Variants in ZBTB20 observed in about 807,000 individuals in gnomAD.
The protein encoded by ZBTB20 is zinc finger and BTB domain containing 20.
In ZBTB20, 9 loss-of-function variants were observed where a neutral mutation model predicts 56.9. The observed-to-expected ratio is 0.16, with a 90% CI of 0.10 to 0.28. The LOEUF (loss-of-function observed/expected upper bound fraction) is 0.28. Among genes scored for constraint, ZBTB20 ranks in the 10% least tolerant of loss-of-function variants. The probability of loss-of-function intolerance (pLI) is 1.00; values close to 1 mark genes in which losing one functional copy is unlikely to be tolerated. For synonymous variants in ZBTB20, 417 were observed against 420.7 expected (o/e 0.99, Z 0.11); for missense variants, 655 against 1,003.0 (o/e 0.65, Z 4.69).
chr3:114,372,566 T>C (rs567516946), intron 10 of ZBTB20, among the ~76,000 whole-genome samples: 2 of 152,268 alleles, frequency 1.3e-5, no homozygotes, highest in Non-Finnish European at 2.9e-5. Context: ...TGGTGGCTCA[T>C]GCCTGTAATC....
intron 2 of ZBTB20, among the ~76,000 whole-genome samples, chr3:114,990,687 C>T (rs1252410390): frequency 6.6e-6 from 1 of 152,116 alleles, no homozygotes; most frequent in African/African-American, 2.4e-5. Flanking sequence ...ATGGTACCAG[C>T]TCCTCCTTGT....
chr3:115,108,114 T>C (rs2108620021), intron 1 of ZBTB20, among the ~76,000 whole-genome samples: 1 of 151,810 alleles, frequency 6.6e-6, no homozygotes. Context: ...GTAACAAATG[T>C]AGAGGTTCTG....
chr3:114,988,347 C>T lies in ZBTB20; in HGVS notation c.-506-13931G>A, dbSNP rs368641584. On this transcript the variant is annotated intron_variant, in intron 2 of 11. Coordinates refer to ENST00000675478, the MANE Select transcript of ZBTB20 (RefSeq NM_001348800.3). The stretch of plus-strand genomic sequence containing the variant: ...TTCCCCACCTAAGAGTGAGAACATG[C>T]GGTGTTTGGTTTTTTGTCCTTGTGA... Among the ~76,000 whole-genome samples, 10 of 149,266 alleles carry T rather than the reference C, an allele frequency of 6.7e-5. No homozygotes were observed. The South Asian group carries it at 1.1e-3, about 16-fold the overall frequency.
intron 1 of ZBTB20, among the ~76,000 whole-genome samples, chr3:115,073,294 A>C (rs74677251): frequency 0.02 from 3,023 of 152,328 alleles, 39 homozygotes; most frequent in South Asian, 0.032. Context: ...TTTGTTCTAA[A>C]TAATCTACTT....
At position 114,493,326 on chromosome 3, in the gene ZBTB20, T is replaced by C. The variant is rs181387111; in HGVS notation, c.-255+7026A>G. On this transcript the variant is annotated intron_variant, in intron 7 of 11. Transcript: ENST00000675478. ...TTTGGGCTATTACAAATAAAGCTGCTATGTACATTGGTGTAACATAATGTA... is the reference window on the plus strand; with the variant it reads ...TTTGGGCTATTACAAATAAAGCTGCCATGTACATTGGTGTAACATAATGTA... Among the ~76,000 whole-genome samples, 192 of 152,346 alleles carry C rather than the reference T, an allele frequency of 1.3e-3. 1 individual carries two copies. The highest frequency in any genetic ancestry group is 4.2e-3 in the Admixed American group (64 of 15,298).
intron 2 of ZBTB20, among the ~76,000 whole-genome samples, chr3:115,043,393 T>C (rs1234914391): frequency 6.7e-6 from 1 of 148,448 alleles, no homozygotes; most frequent in African/African-American, 2.5e-5. Context: ...ACCCCATCTC[T>C]ACTAAAAACT....
intron 6 of ZBTB20, among the ~76,000 whole-genome samples, chr3:114,503,324 T>A (rs898440529): frequency 6.6e-6 from 1 of 152,196 alleles, no homozygotes; most frequent in Admixed American, 6.5e-5. Context: ...AATGATAATA[T>A]GATCCCAAAC....
intron 6 of ZBTB20, among the ~76,000 whole-genome samples, chr3:114,544,409 CTTTCTTTCTTTCTTTCTTTCTTTCTT>C (rs1467524933): frequency 5.7e-3 from 29 of 5,124 alleles, no homozygotes; most frequent in African/African-American, 9.1e-3. Context: ...TAGATTTCTT[CTTTCTTTCTTTCTTTCTTTCTTTCTT>C]TCTTTCTTTC....
intron 6 of ZBTB20, chr3:114,527,164 A>C (rs1267805432): frequency 2.0e-5 from 3 of 152,206 alleles, no homozygotes; most frequent in Non-Finnish European, 2.9e-5. Flanking sequence ...CTTTAAAAAA[A>C]ATAAAAATTT....
chr3:114,543,412 C>A (rs1577413943), intron 6 of ZBTB20, among the ~76,000 whole-genome samples: 3 of 151,292 alleles, frequency 2.0e-5, no homozygotes, highest in African/African-American at 7.3e-5. Flanking sequence ...GATGAGATTT[C>A]TCTGAATAGA....
intron 3 of ZBTB20, among the ~76,000 whole-genome samples, chr3:114,941,993 A>C (rs1436081745): frequency 6.8e-6 from 1 of 146,336 alleles, no homozygotes; most frequent in Admixed American, 6.6e-5. Flanking sequence ...GTACAAAAGT[A>C]CTGTCTATGC....
chr3:114,914,805 T>G (rs527657821), intron 3 of ZBTB20, among the ~76,000 whole-genome samples: 1 of 151,916 alleles, frequency 6.6e-6, no homozygotes, highest in East Asian at 1.9e-4. Context: ...CAAATGTTTT[T>G]TTCCAGCATC....
chr3:114,353,226 C>T (rs886177292), intron 10 of ZBTB20, among the ~76,000 whole-genome samples: 1 of 152,122 alleles, frequency 6.6e-6, no homozygotes, highest in Non-Finnish European at 1.5e-5. Context: ...TGATTGTTGG[C>T]CTGGACCCAA....
At chr3:114,748,239 G>C (rs2067211552) in intron 5 of ZBTB20, among the ~76,000 whole-genome samples, 1 of 151,576 alleles carries the variant, frequency 6.6e-6, no homozygotes, top group South Asian at 2.1e-4. Flanking sequence ...CTTTTCAAGG[G>C]ACTATTTGAA....
chr3:114,485,600 C>A (rs1020570187), intron 7 of ZBTB20, among the ~76,000 whole-genome samples: 1 of 152,128 alleles, frequency 6.6e-6, no homozygotes, highest in Non-Finnish European at 1.5e-5. Flanking sequence ...ATGTTCACCA[C>A]CCCCCAATTC....
chr3:114,993,749 C>A (rs567248759), intron 2 of ZBTB20, among the ~76,000 whole-genome samples: 29 of 151,780 alleles, frequency 1.9e-4, no homozygotes, highest in Non-Finnish European at 2.8e-4. Flanking sequence ...CTGTGGGATG[C>A]AGCTAAAGTG....
intron 5 of ZBTB20, among the ~76,000 whole-genome samples, chr3:114,747,116 T>C (rs2108625825): frequency 6.6e-6 from 1 of 152,314 alleles, no homozygotes; most frequent in East Asian, 1.9e-4. Context: ...AAGTCAATTT[T>C]GAATAAACCT....
intron 6 of ZBTB20, among the ~76,000 whole-genome samples, chr3:114,691,842 C>A (rs1252215065): frequency 6.6e-6 from 1 of 151,788 alleles, no homozygotes; most frequent in Non-Finnish European, 1.5e-5. Flanking sequence ...ATGTGTTTTT[C>A]TAAATTATTT....
chr3:114,895,742 T>C (rs1028588719), intron 4 of ZBTB20, among the ~76,000 whole-genome samples: 1 of 152,160 alleles, frequency 6.6e-6, no homozygotes, highest in Non-Finnish European at 1.5e-5. Flanking sequence ...CAATAATACA[T>C]AGGTGGTAGT....
Sources: gnomAD v4.1 joint callset for allele counts (sites outside exome capture counted in the v4.1 genomes callset) on GRCh38, gnomAD v4.1.1 for gene constraint, MANE v1.5 for transcripts, NCBI Gene and HGNC (gene_info 2026-07-23, HGNC 2026-07-21) for gene names.